Variants in GRHL2 observed in about 807,000 individuals in gnomAD.
GRHL2 encodes the protein grainyhead-like protein 2 homolog.
A neutral mutation model predicts 83.8 loss-of-function variants in GRHL2; 21 were observed. That is an observed-to-expected ratio of 0.25 (90% CI 0.18 to 0.36). The LOEUF (loss-of-function observed/expected upper bound fraction) is 0.36, where lower values mean the gene tolerates loss of function less well. Among genes scored for constraint, GRHL2 ranks in the 10% least tolerant of loss-of-function variants. The pLI is 1.00. For synonymous variants in GRHL2, 280 were observed against 278.9 expected (o/e 1.00, Z -0.04); for missense variants, 623 against 781.8 (o/e 0.80, Z 2.42).
At chr8:101,628,042 G>A (rs1366843039) in intron 9 of GRHL2, among the ~76,000 whole-genome samples, 1 of 152,182 alleles carries the variant, frequency 6.6e-6, no homozygotes, top group East Asian at 1.9e-4. Flanking sequence ...TGATGTAGAA[G>A]CTGCAGCAAG....
At chr8:101,565,799 A>G (rs567063387) in intron 4 of GRHL2, among the ~76,000 whole-genome samples, 5 of 152,226 alleles carry the variant, frequency 3.3e-5, no homozygotes, top group African/African-American at 1.2e-4. Flanking sequence ...AGAACTATTT[A>G]TAAGTGAACA....
At chr8:101,576,207 T>TGTTTTG (rs1156803110) in intron 6 of GRHL2, among the ~76,000 whole-genome samples, 2 of 152,102 alleles carry the variant, frequency 1.3e-5, no homozygotes, top group African/African-American at 4.8e-5. Flanking sequence ...AGGAGAAAGT[T>TGTTTTG]GTTTTGGTTT....
chr8:101,659,275 A>C (rs1813866085), intron 14 of GRHL2, among the ~76,000 whole-genome samples: 1 of 152,208 alleles, frequency 6.6e-6, no homozygotes, highest in South Asian at 2.1e-4. Flanking sequence ...AGACACAGGT[A>C]TTGCTAATGT....
At chr8:101,526,666 C>T (rs1012970689) in intron 1 of GRHL2, among the ~76,000 whole-genome samples, 23 of 151,344 alleles carry the variant, frequency 1.5e-4, no homozygotes, top group South Asian at 6.3e-4. Context: ...AGTCTGAACA[C>T]GTAGTTTGTC....
In GRHL2 at chr8:101,649,399, G is replaced by A; in HGVS notation, c.1613-15G>A. On this transcript the variant is annotated splice_polypyrimidine_tract_variant and intron_variant, in intron 13 of 15. Coordinates refer to ENST00000646743, the MANE Select transcript of GRHL2 (RefSeq NM_024915.4). ...AGCCCCTCGGTCACGTGGCTCTCTT[G>A]CCCATCTCTTCCAGTGCTCTTGTAC... 1 of 1,609,414 alleles carries A rather than the reference G, an allele frequency of 6.2e-7. No homozygotes were observed. The highest frequency in any genetic ancestry group is 8.5e-7 in the Non-Finnish European group (1 of 1,175,906).
chr8:101,653,737 CAAAA>C, intron 14 of GRHL2, among the ~76,000 whole-genome samples: 1 of 113,792 alleles, frequency 8.8e-6, no homozygotes, highest in East Asian at 2.3e-4. Flanking sequence ...GACTCTGTCT[CAAAA>C]AAAAAACAAA....
intron 7 of GRHL2, among the ~76,000 whole-genome samples, chr8:101,591,933 G>A (rs771944266): frequency 9.9e-5 from 15 of 152,090 alleles, no homozygotes; most frequent in Admixed American, 3.3e-4. Flanking sequence ...TCCTGGAGCA[G>A]GTGGTGCTTG....
chr8:101,653,780 C>A (rs10955269), intron 14 of GRHL2, among the ~76,000 whole-genome samples: 57,029 of 151,560 alleles, frequency 0.38, 12,661 homozygotes, highest in African/African-American at 0.62. Flanking sequence ...ATCCCAGAAC[C>A]CCACCCATGA....
chr8:101,526,269 C>T (rs960107263), intron 1 of GRHL2, among the ~76,000 whole-genome samples: 2 of 152,194 alleles, frequency 1.3e-5, no homozygotes, highest in Non-Finnish European at 2.9e-5. Context: ...AAATCATACA[C>T]TGAACTTTCT....
At position 101,667,366 on chromosome 8, in the gene GRHL2, A is replaced by ATAT. The variant is rs1392435545; in HGVS notation, c.*665_*667dup. ...ATAGTGTTTATAATATTGTAATAAT[A>ATAT]TATTTTACCTGTGGTATGTGGGCAT... is the stretch of plus-strand genomic sequence containing the variant. On this transcript the variant is annotated 3_prime_UTR_variant, in exon 16 of 16. Transcript: ENST00000646743. 6.5e-6 allele frequency: 1 copy of ATAT among 154,394 alleles called. No individual in the cohort carries two copies. The highest frequency in any genetic ancestry group is 1.9e-4 in the East Asian group (1 of 5,242). The allele number at this position is 154,394 out of a possible 1,614,324, so 9.6% of individuals were successfully genotyped here.
At chr8:101,673,290 C>T (rs1814238165), downstream of GRHL2, among the ~76,000 whole-genome samples, 1 of 152,026 alleles carries the variant, frequency 6.6e-6, no homozygotes, top group African/African-American at 2.4e-5. Flanking sequence ...CATCTGTGTG[C>T]TGTATTCAGG....
At chr8:101,631,586 A>T in intron 9 of GRHL2, 51 bp from the exon 10 acceptor site, 1 of 1,422,180 alleles carries the variant, frequency 7.0e-7, no homozygotes, top group Non-Finnish European at 9.9e-7. Flanking sequence ...TGACTTTTGC[A>T]TGCTCTGCTA....
intron 12 of GRHL2, among the ~76,000 whole-genome samples, chr8:101,637,502 T>G (rs1813313479): frequency 6.6e-6 from 1 of 152,234 alleles, no homozygotes; most frequent in African/African-American, 2.4e-5. Flanking sequence ...ACATCCTGAA[T>G]GTGGTCCTGC....
chr8:101,609,678 T>C lies in GRHL2; in HGVS notation c.1099-9861T>C, dbSNP rs200277950. 4.0e-5 allele frequency among the ~76,000 whole-genome samples: 6 copies of C among 151,090 alleles called. 1 individual carries two copies. The highest frequency in any genetic ancestry group is 3.9e-4 in the East Asian group (2 of 5,182). On this transcript the variant is annotated intron_variant, in intron 8 of 15. Coordinates refer to ENST00000646743, the MANE Select transcript of GRHL2 (RefSeq NM_024915.4). ...GAGAGAGAAAGCGATCTTCGGACTT[T>C]ATTGTTAAGTGAAAAAAAGCAAGAT...
chr8:101,632,957 T>C lies in GRHL2; in HGVS notation c.1485+592T>C, dbSNP rs117297019. ...TAAATGTCCAATAATTAACTCATTATGGTAGCTCAAGTTGATGGAATATTA... is the reference window on the plus strand; with the variant it reads ...TAAATGTCCAATAATTAACTCATTACGGTAGCTCAAGTTGATGGAATATTA... On this transcript the variant is annotated intron_variant, in intron 11 of 15. Transcript: ENST00000646743. Among the ~76,000 whole-genome samples, 479 of 152,360 alleles carry C rather than the reference T, an allele frequency of 3.1e-3. 8 individuals carry two copies. The East Asian group carries it at 0.056, about 18-fold the overall frequency.
chr8:101,543,499 A>G (rs1811197855), intron 2 of GRHL2, 63 bp downstream of exon 2: 1 of 1,459,232 alleles, frequency 6.9e-7, no homozygotes. Flanking sequence ...GCTGGTGGGA[A>G]GAAGGAACAG....
At chr8:101,602,670 T>C (rs1812541232) in intron 8 of GRHL2, among the ~76,000 whole-genome samples, 1 of 152,238 alleles carries the variant, frequency 6.6e-6, no homozygotes, top group Non-Finnish European at 1.5e-5. Context: ...GCCTGAGTGT[T>C]TGCAAGGCTC....
intron 1 of GRHL2, among the ~76,000 whole-genome samples, chr8:101,532,755 C>T: frequency 1.1e-5 from 1 of 90,488 alleles, no homozygotes; most frequent in East Asian, 3.3e-4. Flanking sequence ...CTCCATCTCA[C>T]AAAAAAAAAA....
At position 101,609,845 on chromosome 8, in the gene GRHL2, T is replaced by C. The variant is rs192679730; in HGVS notation, c.1099-9694T>C. On this transcript the variant is annotated intron_variant, in intron 8 of 15. Coordinates refer to ENST00000646743, the MANE Select transcript of GRHL2 (RefSeq NM_024915.4). ...CAAGGAAGGGAGGTCATTTTCACAGTTTACCCTTCTGTGCCTTTTGGATTT... is the reference window on the plus strand; with the variant it reads ...CAAGGAAGGGAGGTCATTTTCACAGCTTACCCTTCTGTGCCTTTTGGATTT... 1.1e-3 allele frequency among the ~76,000 whole-genome samples: 173 copies of C among 151,158 alleles called. 15 individuals carry two copies. The highest frequency in any genetic ancestry group is 4.1e-3 in the African/African-American group (166 of 40,526).
Sources: gnomAD v4.1 joint callset for allele counts (sites outside exome capture counted in the v4.1 genomes callset) on GRCh38, gnomAD v4.1.1 for gene constraint, MANE v1.5 for transcripts, NCBI Gene and HGNC (gene_info 2026-07-23, HGNC 2026-07-21) for gene names.